Variants in SPECC1L observed in about 807,000 individuals in gnomAD.
SPECC1L encodes cytospin-A.
In SPECC1L, 40 loss-of-function variants were observed where a neutral mutation model predicts 116.8. That is an observed-to-expected ratio of 0.34 (90% CI 0.27 to 0.45). The LOEUF (loss-of-function observed/expected upper bound fraction) is 0.45. SPECC1L is among the 20% of genes least tolerant of loss of function. The pLI, the probability that SPECC1L is intolerant of heterozygous loss-of-function variation, is 1.00. For missense variants in SPECC1L, 1,110 were observed against 1,373.6 expected (o/e 0.81, Z 3.03); for synonymous variants, 504 against 500.6 (o/e 1.01, Z -0.09).
At chr22:24,287,123 G>A (rs574861310) in intron 2 of SPECC1L, among the ~76,000 whole-genome samples, 120 of 152,170 alleles carry the variant, frequency 7.9e-4, no homozygotes, top group African/African-American at 2.7e-3. Flanking sequence ...AGTGATGCAC[G>A]AGCAGTTATT....
chr22:24,328,977 G>A, intron 7 of SPECC1L, 58 bp downstream of exon 7: 1 of 1,265,046 alleles, frequency 7.9e-7, no homozygotes, highest in Non-Finnish European at 1.2e-6. Flanking sequence ...AATCTGAGGT[G>A]TAGTCATTGA....
At chr22:24,298,571 G>A (rs956747395) in intron 2 of SPECC1L, among the ~76,000 whole-genome samples, 4 of 152,144 alleles carry the variant, frequency 2.6e-5, no homozygotes, top group African/African-American at 9.7e-5. Flanking sequence ...TTCTGATCTG[G>A]CTCTGAAGGC....
At chr22:24,280,867 A>G (rs2048929582) in intron 2 of SPECC1L, among the ~76,000 whole-genome samples, 1 of 152,174 alleles carries the variant, frequency 6.6e-6, no homozygotes, top group Non-Finnish European at 1.5e-5. Context: ...GATTACAGGC[A>G]TGAGCCAGTG....
intron 14 of SPECC1L, among the ~76,000 whole-genome samples, chr22:24,404,885 G>A (rs930617765): frequency 1.3e-5 from 2 of 152,208 alleles, no homozygotes; most frequent in African/African-American, 4.8e-5. Flanking sequence ...GCTGTCCCTA[G>A]ATGTGTGGCC....
intron 2 of SPECC1L, among the ~76,000 whole-genome samples, chr22:24,292,164 C>A (rs376492248): frequency 8.9e-4 from 135 of 152,288 alleles, no homozygotes; most frequent in African/African-American, 3.1e-3. Context: ...TTGGAGCTCT[C>A]TTGTGGTATC....
Position 24,321,642 on chromosome 22 carries a change from AG to A in SPECC1L, c.665del (p.Gly222ValfsTer39), listed in dbSNP as rs1471740011. ...AQLGINEDHS[E>X]GDEKSEKETI... ...CTGGGCATTAATGAGGATCATTCTG[AG>A]GGTGATGAAAAATCTGAGAAGGAAA... On this transcript the variant is annotated frameshift_variant, in exon 5 of 17. Coordinates refer to ENST00000314328, the MANE Select transcript of SPECC1L (RefSeq NM_015330.6). LOFTEE classifies it high-confidence loss of function. The A allele has an allele frequency of 6.2e-7, 1 of 1,614,236 alleles. No homozygotes were observed. Among genetic ancestry groups the A allele is most frequent in the Non-Finnish European group, 8.5e-7 (1 of 1,180,042 alleles).
At chr22:24,347,034 G>T (rs2041310539) in intron 10 of SPECC1L, 52 bp from the exon 11 acceptor site, 1 of 1,379,644 alleles carries the variant, frequency 7.2e-7, no homozygotes, top group Admixed American at 1.7e-5. Context: ...CATTTACTTT[G>T]TGAGTCCAAA....
intron 3 of SPECC1L, among the ~76,000 whole-genome samples, chr22:24,310,402 T>C (rs2040439761): frequency 6.6e-6 from 1 of 152,242 alleles, no homozygotes; most frequent in African/African-American, 2.4e-5. Flanking sequence ...GGAGAGAAGG[T>C]AAATACATGT....
At chr22:24,359,037 A>G (rs942882541) in intron 11 of SPECC1L, among the ~76,000 whole-genome samples, 4 of 151,974 alleles carry the variant, frequency 2.6e-5, no homozygotes, top group African/African-American at 7.3e-5. Context: ...TGTATCTTCA[A>G]CTTTACCCTC....
rs199760110 is a variant in SPECC1L, at chr22:24,322,691, A to G, written c.1711A>G (p.Ser571Gly). The G allele has an allele frequency of 1.2e-6, 2 of 1,607,558 alleles. No individual in the cohort carries two copies. The highest frequency in any genetic ancestry group is 1.7e-6 in the Non-Finnish European group (2 of 1,177,304). The change falls in exon 5 of 17, where the codon AGT becomes GGT. Residue 571 changes from serine (S) to glycine (G), a missense_variant. By Grantham distance (56) the Ser-to-Gly change is moderately conservative. Transcript: ENST00000314328. ...TLEEYKATVASDQIEMNRLKA... is the reference protein window; with the variant it reads ...TLEEYKATVAGDQIEMNRLKA... ...AGAGGAATACAAAGCCACAGTGGCC[A>G]GTGACCAGATAGAGATGAATCGCCT...
At chr22:24,343,061 G>A (rs2041211872) in intron 10 of SPECC1L, among the ~76,000 whole-genome samples, 2 of 152,104 alleles carry the variant, frequency 1.3e-5, no homozygotes, top group Non-Finnish European at 2.9e-5. Flanking sequence ...AGGCATGGTG[G>A]TGTGTGCCTG....
intron 3 of SPECC1L, among the ~76,000 whole-genome samples, chr22:24,308,921 T>A (rs1273682646): frequency 6.6e-6 from 1 of 152,240 alleles, no homozygotes; most frequent in Non-Finnish European, 1.5e-5. Flanking sequence ...ATCCCTGATT[T>A]GTCCACTGGG....
chr22:24,371,223 A>G lies in SPECC1L; in HGVS notation c.3087+1903A>G, dbSNP rs907427224. On this transcript the variant is annotated intron_variant, in intron 14 of 16. Coordinates refer to ENST00000314328, the MANE Select transcript of SPECC1L (RefSeq NM_015330.6). ...AAGACATTATACAACACTGCACCCA[A>G]TAATAGCAGAATACACATTCTTCTC... Among the ~76,000 whole-genome samples the G allele has an allele frequency of 8.5e-5, 13 of 152,362 alleles. 1 individual carries two copies. The South Asian group carries it at 2.1e-3, about 24-fold the overall frequency.
Position 24,392,195 on chromosome 22 carries a change from A to G in SPECC1L, c.3088-19393A>G, listed in dbSNP as rs538534762. On this transcript the variant is annotated intron_variant, in intron 14 of 16. Transcript: ENST00000314328. ...GTCCCAGACTCTTCAGTAAGTTTCC[A>G]GTAAGTAGGTATTTTTATTACGAGT... Among the ~76,000 whole-genome samples, 19 of 152,352 alleles carry G rather than the reference A, an allele frequency of 1.2e-4. No homozygotes were observed. In the South Asian group the frequency reaches 3.5e-3, roughly 28 times the overall value.
chr22:24,304,838 T>C (rs1252691499), intron 3 of SPECC1L, among the ~76,000 whole-genome samples: 1 of 152,218 alleles, frequency 6.6e-6, no homozygotes, highest in Non-Finnish European at 1.5e-5. Context: ...ATCTTCAAAT[T>C]TGAGAGAAAG....
chr22:24,317,371 T>A, intron 4 of SPECC1L, among the ~76,000 whole-genome samples: 1 of 103,932 alleles, frequency 9.6e-6, no homozygotes. Flanking sequence ...GGCTCCTCAC[T>A]TCCCAGTAGG....
At chr22:24,317,026 G>A (rs1189469025) in intron 4 of SPECC1L, among the ~76,000 whole-genome samples, 3 of 122,946 alleles carry the variant, frequency 2.4e-5, no homozygotes, top group Admixed American at 8.3e-5. Flanking sequence ...GCGGCTGGCC[G>A]GGCGGGGGGC....
intron 1 of SPECC1L, among the ~76,000 whole-genome samples, chr22:24,273,292 A>G (rs1196482110): frequency 6.6e-6 from 1 of 152,236 alleles, no homozygotes; most frequent in Admixed American, 6.5e-5. Context: ...TGTGTGTGGT[A>G]TTATGCAAAC....
chr22:24,363,435 C>A, intron 12 of SPECC1L, 91 bp downstream of exon 12: 1 of 1,127,656 alleles, frequency 8.9e-7, no homozygotes, highest in Non-Finnish European at 1.3e-6. Context: ...AAACTCCTGG[C>A]CTCAAGCTAT....
Sources: allele counts gnomAD v4.1 joint callset (sites outside exome capture counted in the v4.1 genomes callset), GRCh38; gene constraint gnomAD v4.1.1; transcripts MANE v1.5; gene names NCBI Gene and HGNC (gene_info 2026-07-23, HGNC 2026-07-21).